The following MTUS1 variants were observed in gnomAD, a reference collection of about 807,000 sequenced individuals.
The protein encoded by MTUS1 is microtubule associated scaffold protein 1.
Under a neutral mutation model 120.8 loss-of-function variants are expected in MTUS1, and 109 were observed. The observed-to-expected ratio is 0.90, with a 90% CI of 0.77 to 1.06. The LOEUF (loss-of-function observed/expected upper bound fraction) is 1.06. Among genes scored for constraint, MTUS1 ranks in the 50% least tolerant of loss-of-function variants. The probability of loss-of-function intolerance (pLI) is 0.00; values close to 1 mark genes in which losing one functional copy is unlikely to be tolerated. For missense variants in MTUS1, 2,210 were observed against 1,486.3 expected (o/e 1.49, Z -8.01); for synonymous variants, 737 against 550.5 (o/e 1.34, Z -4.74).
intron 8 of MTUS1, among the ~76,000 whole-genome samples, chr8:17,657,876 C>CACGT (rs973523637): frequency 2.7e-5 from 4 of 149,354 alleles, no homozygotes; most frequent in Admixed American, 2.7e-4. Context: ...TACATATGTG[C>CACGT]ACGTATATAT....
At chr8:17,709,519 C>T (rs1585858642) in intron 6 of MTUS1, among the ~76,000 whole-genome samples, 1 of 152,138 alleles carries the variant, frequency 6.6e-6, no homozygotes, top group East Asian at 1.9e-4. Context: ...TAACACCTGA[C>T]ACTCACAATG....
intron 1 of MTUS1, among the ~76,000 whole-genome samples, chr8:17,791,509 A>C (rs150979834): frequency 8.5e-5 from 13 of 152,354 alleles, no homozygotes; most frequent in African/African-American, 2.9e-4. Flanking sequence ...TTGTCTTTCG[A>C]ATGTGCTGAC....
At position 17,656,027 on chromosome 8, in the gene MTUS1, T is replaced by C; in HGVS notation, c.2944A>G (p.Arg982Gly). The C allele has an allele frequency of 1.2e-6, 2 of 1,614,238 alleles. No individual in the cohort carries two copies. Among genetic ancestry groups the C allele is most frequent in the Non-Finnish European group, 1.7e-6 (2 of 1,180,040 alleles). The change falls in exon 9 of 15, where the codon AGG (arginine) becomes GGG (glycine). Residue 982 changes from arginine (R) to glycine (G), a missense_variant. Coordinates refer to ENST00000693296, the MANE Select transcript of MTUS1 (RefSeq NM_001363059.2). ...STTCEKLEKA[R>G]NELQTVYEAF... ...TCATACACTGTTTGTAACTCATTCC[T>C]GGCTTTTTCTAATTTCTCACAGGTG...
intron 1 of MTUS1, among the ~76,000 whole-genome samples, chr8:17,776,836 C>T (rs942629142): frequency 1.3e-5 from 2 of 152,060 alleles, no homozygotes; most frequent in Non-Finnish European, 2.9e-5. Context: ...CAACTGTTTT[C>T]CTATCTAAAT....
At chr8:17,786,142 G>GA (rs1267882219) in intron 1 of MTUS1, among the ~76,000 whole-genome samples, 1 of 151,870 alleles carries the variant, frequency 6.6e-6, no homozygotes, top group Non-Finnish European at 1.5e-5. Context: ...CCCATCTCTG[G>GA]AAAAAACAAA....
chr8:17,734,468 C>T (rs559659807), intron 3 of MTUS1, among the ~76,000 whole-genome samples: 25 of 151,938 alleles, frequency 1.6e-4, no homozygotes, highest in African/African-American at 5.3e-4. Flanking sequence ...GCAAAAAGTC[C>T]CACAAAGGGA....
At chr8:17,741,964 A>G (rs1355063557) in intron 3 of MTUS1, among the ~76,000 whole-genome samples, 1 of 152,190 alleles carries the variant, frequency 6.6e-6, no homozygotes, top group Non-Finnish European at 1.5e-5. Context: ...CAGGGCTCCT[A>G]ACTGCAGGCC....
intron 3 of MTUS1, among the ~76,000 whole-genome samples, chr8:17,737,518 TTGCCCTG>T (rs2047017803): frequency 1.3e-5 from 2 of 152,238 alleles, no homozygotes; most frequent in Middle Eastern, 3.2e-3. Flanking sequence ...AGACAGGGTC[TTGCCCTG>T]TCACCTAGCC....
At chr8:17,691,622 C>G (rs1403112833) in intron 6 of MTUS1, among the ~76,000 whole-genome samples, 1 of 152,096 alleles carries the variant, frequency 6.6e-6, no homozygotes, top group Admixed American at 6.6e-5. Flanking sequence ...TCTCGTTCTT[C>G]TTCACCTTGG....
rs116376882 is a variant in MTUS1, at chr8:17,790,718, G to A, written c.-155+10343C>T. Among the ~76,000 whole-genome samples, 422 of 152,292 alleles carry A rather than the reference G, an allele frequency of 2.8e-3. 2 individuals are homozygous for A. Among genetic ancestry groups the A allele is most frequent in the African/African-American group, 9.7e-3 (402 of 41,570 alleles). ...ACTGCATGACTTGGCCTGGCACAGT[G>A]GCTTACTCCTATAATCCCAGCACTT... is the stretch of plus-strand genomic sequence containing the variant. On this transcript the variant is annotated intron_variant, in intron 1 of 14. Coordinates refer to ENST00000693296, the MANE Select transcript of MTUS1 (RefSeq NM_001363059.2).
intron 4 of MTUS1, chr8:17,723,356 G>A (rs894176960): frequency 1.9e-5 from 7 of 368,548 alleles, no homozygotes; most frequent in Non-Finnish European, 3.1e-5. Flanking sequence ...AAATGAAACT[G>A]AAATAATCTT....
intron 3 of MTUS1, among the ~76,000 whole-genome samples, chr8:17,742,279 T>TG (rs1459812710): frequency 1.2e-4 from 15 of 120,108 alleles, no homozygotes; most frequent in East Asian, 2.7e-4. Context: ...GTTTTTTTTT[T>TG]TTGTTGTTGT....
chr8:17,721,459 A>C (rs2045836368), intron 4 of MTUS1, among the ~76,000 whole-genome samples: 1 of 152,228 alleles, frequency 6.6e-6, no homozygotes, highest in African/African-American at 2.4e-5. Context: ...TGATAATAGG[A>C]TAATTTCATG....
intron 8 of MTUS1, among the ~76,000 whole-genome samples, chr8:17,666,090 CTTTTTTTTTTTTTT>C (rs57062684): frequency 1.4e-4 from 16 of 111,102 alleles, no homozygotes; most frequent in Non-Finnish European, 2.5e-4. Flanking sequence ...AGAACAGATG[CTTTTTTTTTTTTTT>C]TTTTTTTTTT....
intron 2 of MTUS1, among the ~76,000 whole-genome samples, chr8:17,752,424 A>C (rs2048270192): frequency 6.6e-6 from 1 of 152,232 alleles, no homozygotes; most frequent in Non-Finnish European, 1.5e-5. Context: ...TCTAAGTTTG[A>C]CTTCAAGATA....
chr8:17,656,013 T>A lies in MTUS1; in HGVS notation c.2958A>T (p.Gln986His). Reference protein sequence around the residue: ...EKLEKARNELQTVYEAFVQQH... With the variant: ...EKLEKARNELHTVYEAFVQQH... ...GCTGGACGAATGCTTCATACACTGT[T>A]TGTAACTCATTCCTGGCTTTTTCTA... Residue 986 changes from glutamine to histidine, a missense_variant, in exon 9 of 15, where the codon CAA (glutamine) becomes CAT (histidine). Transcript: ENST00000693296. The A allele has an allele frequency of 6.2e-7, 1 of 1,614,030 alleles. No homozygotes were observed. Among genetic ancestry groups the A allele is most frequent in the Non-Finnish European group, 8.5e-7 (1 of 1,179,856 alleles).
chr8:17,724,054 A>G (rs2046032414), intron 3 of MTUS1: 1 of 576,338 alleles, frequency 1.7e-6, no homozygotes, highest in Non-Finnish European at 3.1e-6. Flanking sequence ...GGCAATTAGG[A>G]TATGAGAAGT....
intron 1 of MTUS1, among the ~76,000 whole-genome samples, chr8:17,757,692 GATTTTTGT>G (rs1234065945): frequency 6.6e-6 from 1 of 151,974 alleles, no homozygotes; most frequent in African/African-American, 2.4e-5. Context: ...ATGCGTGGCT[GATTTTTGT>G]ATTTTTAGTA....
At chr8:17,660,110 C>T (rs999772426) in intron 8 of MTUS1, among the ~76,000 whole-genome samples, 2 of 152,110 alleles carry the variant, frequency 1.3e-5, no homozygotes, top group Admixed American at 1.3e-4. Flanking sequence ...CAGTGGCTCA[C>T]GCCTGTAATC....
Sources: allele counts gnomAD v4.1 joint callset (sites outside exome capture counted in the v4.1 genomes callset), GRCh38; gene constraint gnomAD v4.1.1; transcripts MANE v1.5; gene names NCBI Gene and HGNC (gene_info 2026-07-23, HGNC 2026-07-21).